Variants in ARSK observed in about 807,000 individuals in gnomAD.
ARSK encodes the protein arylsulfatase family member K, also known as arylsulfatase K.
In ARSK, 37 loss-of-function variants were observed where a neutral mutation model predicts 53.2. That is an observed-to-expected ratio of 0.70 (90% CI 0.54 to 0.92). ARSK has a LOEUF of 0.92. Among genes scored for constraint, ARSK ranks in the 40% least tolerant of loss-of-function variants. The pLI, the probability that ARSK is intolerant of heterozygous loss-of-function variation, is 0.00. For synonymous variants in ARSK, 208 were observed against 223.2 expected, an observed-to-expected ratio of 0.93 and a Z score of 0.61; for missense variants, 613 against 643.0, an observed-to-expected ratio of 0.95 and a Z score of 0.51.
chr5:95,573,013 G>C (rs1391769256), intron 3 of ARSK, among the ~76,000 whole-genome samples: 5 of 152,134 alleles, frequency 3.3e-5, no homozygotes, highest in African/African-American at 1.2e-4. Context: ...CTGCTAAACA[G>C]TCTATAATGC....
At chr5:95,557,058 TAAAA>T (rs891398806) in intron 1 of ARSK, 55 of 151,702 alleles carry the variant, frequency 3.6e-4, no homozygotes, top group African/African-American at 1.1e-3. Context: ...AAATAAAAAA[TAAAA>T]AAAATTTTTG....
intron 3 of ARSK, among the ~76,000 whole-genome samples, chr5:95,577,163 G>A (rs909562419): frequency 1.1e-4 from 17 of 152,032 alleles, no homozygotes; most frequent in African/African-American, 3.6e-4. Context: ...TAACCCACCC[G>A]CTTTATTTTT....
chr5:95,600,750 T>C (rs550751904), intron 6 of ARSK, 97 bp from the exon 7 acceptor site: 3 of 1,212,082 alleles, frequency 2.5e-6, no homozygotes, highest in Non-Finnish European at 3.6e-6. Flanking sequence ...CCATGGCATT[T>C]AATGGTATGA....
At chr5:95,569,504 A>G (rs895204763) in intron 3 of ARSK, among the ~76,000 whole-genome samples, 4 of 152,214 alleles carry the variant, frequency 2.6e-5, no homozygotes, top group Admixed American at 2.6e-4. Flanking sequence ...ATAGGCACAC[A>G]GAGAAGAAAA....
chr5:95,600,692 G>A (rs1371460476), intron 6 of ARSK, 155 bp from the exon 7 acceptor site: 1 of 775,800 alleles, frequency 1.3e-6, no homozygotes, highest in South Asian at 1.5e-5. Flanking sequence ...GGGTAAGCAT[G>A]TGAATTTTGG....
intron 6 of ARSK, among the ~76,000 whole-genome samples, chr5:95,599,913 G>A (rs1749370229): frequency 6.6e-6 from 1 of 151,802 alleles, no homozygotes; most frequent in Admixed American, 6.6e-5. Context: ...ATTTTTCATT[G>A]GAAATATTTA....
At chr5:95,563,503 C>A (rs74758867) in intron 1 of ARSK, among the ~76,000 whole-genome samples, 1 of 152,192 alleles carries the variant, frequency 6.6e-6, no homozygotes, top group Non-Finnish European at 1.5e-5. Flanking sequence ...TCCCACATGA[C>A]GGCAGTCGCC....
chr5:95,555,167 C>A lies in ARSK; in HGVS notation c.-112C>A. 2 of 1,064,244 alleles carry A rather than the reference C, an allele frequency of 1.9e-6. No homozygotes were observed. The highest frequency in any genetic ancestry group is 2.6e-6 in the Non-Finnish European group (2 of 755,358). The allele number at this position is 1,064,244 out of a possible 1,614,324, so 65.9% of individuals were successfully genotyped here. ...GAAGCTCGGCGTTACTATCAAGCAACCAAACTGCAAGCTTTGGGAGTTGTT... is the reference window on the plus strand; with the variant it reads ...GAAGCTCGGCGTTACTATCAAGCAAACAAACTGCAAGCTTTGGGAGTTGTT... On this transcript the variant is annotated 5_prime_UTR_variant, in exon 1 of 8. Coordinates refer to ENST00000380009, the MANE Select transcript of ARSK (RefSeq NM_198150.3). The surrounding 1 kb of genome is among the most constrained non-coding windows in gnomAD (Gnocchi z 4.0).
At chr5:95,575,058 G>C (rs750026342) in intron 3 of ARSK, among the ~76,000 whole-genome samples, 3 of 151,996 alleles carry the variant, frequency 2.0e-5, no homozygotes, top group Non-Finnish European at 2.9e-5. Context: ...ATTTTTCTGC[G>C]TATGGATATC....
At chr5:95,579,343 A>G (rs1210644590) in intron 3 of ARSK, among the ~76,000 whole-genome samples, 1 of 152,212 alleles carries the variant, frequency 6.6e-6, no homozygotes, top group African/African-American at 2.4e-5. Flanking sequence ...TCACAGTTCC[A>G]TGTGGCTTGG....
chr5:95,596,144 A>T (rs1749304735), intron 6 of ARSK, among the ~76,000 whole-genome samples: 1 of 152,188 alleles, frequency 6.6e-6, no homozygotes, highest in Admixed American at 6.5e-5. Flanking sequence ...TTTAAGATAA[A>T]ATTCCTCAGT....
Position 95,591,528 on chromosome 5 carries a change from T to C in ARSK, c.999T>C (p.Ser333=), listed in dbSNP as rs1749216254. The change falls in exon 6 of 8, where the codon AGT becomes AGC. Residue 333 remains serine, a synonymous_variant. Transcript: ENST00000380009. ...ATAAAATGAGCATGTACGAGGCTAG[T>C]GCACATGTTCCGCTTTTGATGATGG... The part of the protein sequence containing the change: ...QFYKMSMYEA[S]AHVPLLMMGP... The C allele has an allele frequency of 1.2e-6, 2 of 1,614,128 alleles. No homozygotes were observed. The highest frequency in any genetic ancestry group is 1.7e-5 in the Admixed American group (1 of 60,016).
chr5:95,593,297 T>C (rs899714309), intron 6 of ARSK, among the ~76,000 whole-genome samples: 1 of 152,160 alleles, frequency 6.6e-6, no homozygotes, highest in African/African-American at 2.4e-5. Context: ...GGTGATTCTT[T>C]CTCCGTTTTT....
intron 3 of ARSK, among the ~76,000 whole-genome samples, chr5:95,582,676 A>G (rs1363605322): frequency 6.6e-6 from 1 of 152,194 alleles, no homozygotes; most frequent in African/African-American, 2.4e-5. Flanking sequence ...ACTGTTCTAC[A>G]TAATCTTTCA....
chr5:95,568,386 C>T lies in ARSK; in HGVS notation c.416+337C>T, dbSNP rs1276598144. ...TGTTTTTAAAACCATAGCCTTCTTG[C>T]TGCTTTCGTTGGTCAGTTCTCTCTA... On this transcript the variant is annotated intron_variant, in intron 3 of 7. Coordinates refer to ENST00000380009, the MANE Select transcript of ARSK (RefSeq NM_198150.3). Among the ~76,000 whole-genome samples the T allele has an allele frequency of 2.6e-5, 4 of 152,074 alleles. No individual in the cohort carries two copies. The East Asian group carries it at 7.7e-4, about 29-fold the overall frequency.
At chr5:95,592,612 G>A (rs185113542) in intron 6 of ARSK, among the ~76,000 whole-genome samples, 2 of 152,094 alleles carry the variant, frequency 1.3e-5, no homozygotes, top group South Asian at 2.1e-4. Flanking sequence ...GCAGTGGTGC[G>A]ATTTCGGCTC....
At chr5:95,565,431 CTT>C (rs1357146686) in intron 1 of ARSK, among the ~76,000 whole-genome samples, 1 of 152,160 alleles carries the variant, frequency 6.6e-6, no homozygotes, top group Non-Finnish European at 1.5e-5. Context: ...ATATCTCAAA[CTT>C]TGTATGTCCT....
chr5:95,590,385 C>T (rs1371131723), intron 5 of ARSK, among the ~76,000 whole-genome samples: 2 of 151,984 alleles, frequency 1.3e-5, no homozygotes, highest in Non-Finnish European at 2.9e-5. Flanking sequence ...TGGACAGGGG[C>T]ATTGCTTGTT....
chr5:95,592,027 A>G (rs1025516689), intron 6 of ARSK, among the ~76,000 whole-genome samples: 5 of 152,080 alleles, frequency 3.3e-5, no homozygotes, highest in Non-Finnish European at 7.4e-5. Context: ...TCCTCCTCAG[A>G]CTCTTTAGAT....
Sources: allele counts gnomAD v4.1 joint callset (sites outside exome capture counted in the v4.1 genomes callset), GRCh38; gene constraint gnomAD v4.1.1; non-coding constraint Gnocchi (gnomAD v3.1); transcripts MANE v1.5; gene names NCBI Gene and HGNC (gene_info 2026-07-23, HGNC 2026-07-21).